PRR16: variants seen among roughly 807,000 people sequenced by gnomAD.
The protein encoded by PRR16 is protein Largen.
A neutral mutation model predicts 18.2 loss-of-function variants in PRR16; 6 were observed. The observed-to-expected ratio is 0.33, with a 90% CI of 0.18 to 0.65. PRR16 has a LOEUF of 0.65. Among genes scored for constraint, PRR16 ranks in the 30% least tolerant of loss-of-function variants. The pLI is 0.74. For synonymous variants in PRR16, 151 were observed against 147.8 expected (o/e 1.02, Z -0.16); for missense variants, 412 against 376.6 (o/e 1.09, Z -0.78).
At chr5:120,711,715 C>G in the PRR16 span, among the ~76,000 whole-genome samples, 2 of 152,148 alleles carry the variant, frequency 1.3e-5, no homozygotes, top group African/African-American at 4.8e-5. Flanking sequence ...TAGAGGCAAG[C>G]CTTGTAGTGC....
At chr5:120,594,677 T>C (rs958201510) in intron 1 of PRR16, among the ~76,000 whole-genome samples, 2 of 152,028 alleles carry the variant, frequency 1.3e-5, no homozygotes, top group African/African-American at 4.8e-5. Flanking sequence ...AGAACAAAGC[T>C]GGAGGCATCA....
At chr5:120,677,444 T>C (rs1385691978) in intron 1 of PRR16, among the ~76,000 whole-genome samples, 1 of 152,164 alleles carries the variant, frequency 6.6e-6, no homozygotes, top group Non-Finnish European at 1.5e-5. Flanking sequence ...AAAGGTCAAA[T>C]AGTTAGGGGA....
At chr5:120,765,963 C>G in the PRR16 span, among the ~76,000 whole-genome samples, 2 of 151,972 alleles carry the variant, frequency 1.3e-5, no homozygotes, top group Non-Finnish European at 2.9e-5. Context: ...CTGTATACTA[C>G]TGTTATGGAA....
chr5:120,747,770 GGAAGGAGAAAAA>G, the PRR16 span, among the ~76,000 whole-genome samples: 3 of 151,660 alleles, frequency 2.0e-5, no homozygotes, highest in African/African-American at 4.8e-5. Flanking sequence ...AAGGAAGGAA[GGAAGGAGAAAAA>G]GAAGGAAAGA....
chr5:120,578,912 A>T (rs534790981), intron 1 of PRR16, among the ~76,000 whole-genome samples: 8 of 152,110 alleles, frequency 5.3e-5, no homozygotes, highest in Non-Finnish European at 1.2e-4. Context: ...AGCATCTATT[A>T]TTGTTTCCTG....
At chr5:120,666,834 T>C (rs2150142797) in intron 1 of PRR16, among the ~76,000 whole-genome samples, 1 of 148,520 alleles carries the variant, frequency 6.7e-6, no homozygotes, top group African/African-American at 2.5e-5. Flanking sequence ...GGATAAGCTT[T>C]TTGATGTGCT....
the PRR16 span, among the ~76,000 whole-genome samples, chr5:120,749,347 T>C: frequency 3.3e-5 from 5 of 152,196 alleles, no homozygotes; most frequent in South Asian, 1.0e-3. Context: ...AAAATTGTTA[T>C]GTTAGGAGTT....
intron 1 of PRR16, among the ~76,000 whole-genome samples, chr5:120,527,586 T>C (rs1051352539): frequency 2.0e-5 from 3 of 152,232 alleles, no homozygotes; most frequent in Non-Finnish European, 2.9e-5. Context: ...GCTGTAATAG[T>C]GTCTGAACAT....
chr5:120,536,708 A>G (rs916717718), intron 1 of PRR16, among the ~76,000 whole-genome samples: 1 of 152,248 alleles, frequency 6.6e-6, no homozygotes. Flanking sequence ...AGGATGACCT[A>G]TTGTCTGCCT....
the PRR16 span, among the ~76,000 whole-genome samples, chr5:120,745,061 C>G: frequency 1.9e-3 from 292 of 152,264 alleles, 3 homozygotes; most frequent in South Asian, 0.013. Flanking sequence ...GTTTTTAACC[C>G]TGTTTCACCC....
chr5:120,499,921 C>T (rs757196402), intron 1 of PRR16, among the ~76,000 whole-genome samples: 2 of 152,088 alleles, frequency 1.3e-5, no homozygotes, highest in African/African-American at 4.8e-5. Context: ...AGCTCAGTTT[C>T]CCAACACTCT....
At chr5:120,679,533 A>G (rs1387718261) in intron 1 of PRR16, among the ~76,000 whole-genome samples, 1 of 152,170 alleles carries the variant, frequency 6.6e-6, no homozygotes, top group Non-Finnish European at 1.5e-5. Flanking sequence ...ACTTGGCTGT[A>G]ATAAAATCTA....
the PRR16 span, among the ~76,000 whole-genome samples, chr5:120,736,064 T>C: frequency 6.6e-6 from 1 of 152,220 alleles, no homozygotes; most frequent in African/African-American, 2.4e-5. Context: ...GAGAAATTAT[T>C]GAGGAGGCTA....
At chr5:120,624,483 A>G (rs934664994) in intron 1 of PRR16, among the ~76,000 whole-genome samples, 4 of 152,178 alleles carry the variant, frequency 2.6e-5, no homozygotes, top group Non-Finnish European at 5.9e-5. Flanking sequence ...AAGAGATAGC[A>G]TAGCATAGTG....
chr5:120,490,336 A>C (rs1214377932), intron 1 of PRR16, among the ~76,000 whole-genome samples: 1 of 152,106 alleles, frequency 6.6e-6, no homozygotes, highest in Non-Finnish European at 1.5e-5. Context: ...TATTTCTTGG[A>C]GGCTTTGTTC....
At chr5:120,498,697 T>A (rs1750342475) in intron 1 of PRR16, among the ~76,000 whole-genome samples, 1 of 151,918 alleles carries the variant, frequency 6.6e-6, no homozygotes, top group South Asian at 2.1e-4. Flanking sequence ...TTAGGAAAGG[T>A]CGTCTAGTGA....
At chr5:120,466,448 A>G (rs1479226987) in intron 1 of PRR16, among the ~76,000 whole-genome samples, 1 of 152,222 alleles carries the variant, frequency 6.6e-6, no homozygotes, top group Non-Finnish European at 1.5e-5. Flanking sequence ...AGTTAAACAG[A>G]ATTCTGCATC....
At chr5:120,779,862 C>T in the PRR16 span, among the ~76,000 whole-genome samples, 3 of 152,114 alleles carry the variant, frequency 2.0e-5, no homozygotes, top group South Asian at 2.1e-4. Context: ...CTCCCATCGA[C>T]GTGTGCCAAG....
chr5:120,673,801 A>G (rs1756696904), intron 1 of PRR16, among the ~76,000 whole-genome samples: 1 of 152,024 alleles, frequency 6.6e-6, no homozygotes, highest in African/African-American at 2.4e-5. Context: ...AAAAACAAAA[A>G]AAAATTAGCC....
Sources: allele counts gnomAD v4.1 joint callset (sites outside exome capture counted in the v4.1 genomes callset), GRCh38; gene constraint gnomAD v4.1.1; transcripts MANE v1.5; gene names NCBI Gene and HGNC (gene_info 2026-07-23, HGNC 2026-07-21).